Variants in FLRT2 observed in about 807,000 individuals in gnomAD.
FLRT2 encodes the protein leucine-rich repeat transmembrane protein FLRT2.
A neutral mutation model predicts 40.0 loss-of-function variants in FLRT2; 15 were observed. The ratio of observed to expected loss-of-function variants is 0.38; its 90% confidence interval spans 0.25 to 0.58. The LOEUF (loss-of-function observed/expected upper bound fraction) is 0.58. FLRT2 is among the 20% of genes least tolerant of loss of function. FLRT2 has a pLI of 0.71. For missense variants in FLRT2, 726 were observed against 840.0 expected (o/e 0.86, Z 1.68); for synonymous variants, 380 against 336.8 (o/e 1.13, Z -1.41).
At chr14:85,545,824 G>A (rs1274978283) in intron 1 of FLRT2, among the ~76,000 whole-genome samples, 2 of 152,204 alleles carry the variant, frequency 1.3e-5, no homozygotes, top group Non-Finnish European at 2.9e-5. Context: ...TACCAGCACT[G>A]CTAAATGGAT....
At chr14:85,568,929 C>CG (rs1890765080) in intron 1 of FLRT2, among the ~76,000 whole-genome samples, 1 of 151,872 alleles carries the variant, frequency 6.6e-6, no homozygotes, top group African/African-American at 2.4e-5. Context: ...CGTCTGTCTC[C>CG]TCTTTTCCCT....
At chr14:85,532,218 A>G (rs1888329108) in intron 1 of FLRT2, among the ~76,000 whole-genome samples, 1 of 152,060 alleles carries the variant, frequency 6.6e-6, no homozygotes, top group Non-Finnish European at 1.5e-5. Context: ...GTCCTGGGCT[A>G]GTTTTAAACT....
At position 85,629,051 on chromosome 14, in the gene FLRT2, C is replaced by A. The variant is rs573503961; in HGVS notation, c.*5554C>A. ...TTTACTATTCATCTACTTTCTACAG[C>A]ACTATGTTAGGGTCTTCCGGGGATT... On this transcript the variant is annotated 3_prime_UTR_variant, in exon 2 of 2. Coordinates refer to ENST00000330753, the MANE Select transcript of FLRT2 (RefSeq NM_013231.6). 9 of 152,278 alleles carry A rather than the reference C, an allele frequency of 5.9e-5. No homozygotes were observed. The South Asian group carries it at 1.9e-3, about 32-fold the overall frequency. 9.4% of individuals were successfully genotyped at this position (152,278 alleles called of 1,614,324 possible). A position where few individuals can be genotyped will look rare whatever the true frequency, so the allele number is the denominator to read the frequency against.
At chr14:85,585,167 C>G (rs776667612) in intron 1 of FLRT2, among the ~76,000 whole-genome samples, 14 of 152,094 alleles carry the variant, frequency 9.2e-5, no homozygotes, top group South Asian at 6.2e-4. Context: ...AATAAGGGAC[C>G]TAATGCATGT....
intron 1 of FLRT2, among the ~76,000 whole-genome samples, chr14:85,605,575 C>T (rs1224804186): frequency 1.3e-5 from 2 of 152,114 alleles, no homozygotes; most frequent in African/African-American, 4.8e-5. Flanking sequence ...TCGAGACCAT[C>T]CTGGCTAACA....
rs1448251035 is a variant in FLRT2, at chr14:85,648,931, A to G, written c.*25434A>G. 6.6e-6 allele frequency: 1 copy of G among 152,156 alleles called. No homozygotes were observed. Among genetic ancestry groups the G allele is most frequent in the Non-Finnish European group, 1.5e-5 (1 of 68,026 alleles). 9.4% of individuals were successfully genotyped at this position (152,156 alleles called of 1,614,324 possible). On this transcript the variant is annotated 3_prime_UTR_variant, in exon 2 of 2. Transcript: ENST00000330753. ...TTTCTGAATGAATAGATTTTAAACC[A>G]TGTGTGAGCAGTCACAGAATTCACT...
intron 1 of FLRT2, among the ~76,000 whole-genome samples, chr14:85,592,645 C>G (rs181208565): frequency 7.2e-6 from 1 of 139,672 alleles, no homozygotes; most frequent in East Asian, 2.0e-4. Context: ...AAAAATTAGT[C>G]GAGCATCAGG....
Position 85,643,964 on chromosome 14 carries a change from T to G in FLRT2, c.*20467T>G, listed in dbSNP as rs561344627. 1 of 152,316 alleles carries G rather than the reference T, an allele frequency of 6.6e-6. No homozygotes were observed. The highest frequency in any genetic ancestry group is 2.4e-5 in the African/African-American group (1 of 41,566). The allele number at this position is 152,316 out of a possible 1,614,324, so 9.4% of individuals were successfully genotyped here. ...TAATTGCTCATTATAGCTTCATGAA[T>G]AATATAGATGTTCAGCCAACTTAAG... On this transcript the variant is annotated 3_prime_UTR_variant, in exon 2 of 2. Transcript: ENST00000330753.
chr14:85,568,822 C>T (rs1890756314), intron 1 of FLRT2, among the ~76,000 whole-genome samples: 1 of 152,282 alleles, frequency 6.6e-6, no homozygotes, highest in South Asian at 2.1e-4. Flanking sequence ...CCTGGAGATG[C>T]CATTACGGAC....
At chr14:85,549,659 G>A (rs568784029) in intron 1 of FLRT2, among the ~76,000 whole-genome samples, 2 of 152,266 alleles carry the variant, frequency 1.3e-5, no homozygotes, top group South Asian at 4.1e-4. Context: ...TTTTTCAGTA[G>A]AGAAAAAATA....
At chr14:85,537,844 T>TG (rs1306494964) in intron 1 of FLRT2, among the ~76,000 whole-genome samples, 2 of 35,052 alleles carry the variant, frequency 5.7e-5, no homozygotes, top group Non-Finnish European at 9.8e-5. Flanking sequence ...CTTCATGTTT[T>TG]GTTTTTTTTT....
intron 1 of FLRT2, among the ~76,000 whole-genome samples, chr14:85,533,925 C>G (rs1320887893): frequency 1.3e-5 from 2 of 152,090 alleles, no homozygotes; most frequent in African/African-American, 4.8e-5. Context: ...AAGTTTGGAT[C>G]TGGGGGAGGG....
chr14:85,590,541 A>T (rs1253469731), intron 1 of FLRT2, among the ~76,000 whole-genome samples: 5 of 152,180 alleles, frequency 3.3e-5, no homozygotes, highest in African/African-American at 1.2e-4. Flanking sequence ...TAGTATTTGC[A>T]CAGTATCATG....
Position 85,635,410 on chromosome 14 carries a change from A to G in FLRT2, c.*11913A>G, listed in dbSNP as rs1431238665. 6.6e-6 allele frequency: 1 copy of G among 152,162 alleles called. No individual in the cohort carries two copies. Among genetic ancestry groups the G allele is most frequent in the Non-Finnish European group, 1.5e-5 (1 of 67,988 alleles). 9.4% of individuals were successfully genotyped at this position (152,162 alleles called of 1,614,324 possible). A position where few individuals can be genotyped will look rare whatever the true frequency, so the allele number is the denominator to read the frequency against. ...CAACCACTTCTCCCTCAAAACAAGG[A>G]AATACAAACTATATTACTAAGTAGA... is the stretch of plus-strand genomic sequence containing the variant. On this transcript the variant is annotated 3_prime_UTR_variant, in exon 2 of 2. Transcript: ENST00000330753.
At chr14:85,561,878 T>C (rs1890346502) in intron 1 of FLRT2, among the ~76,000 whole-genome samples, 1 of 152,238 alleles carries the variant, frequency 6.6e-6, no homozygotes, top group Non-Finnish European at 1.5e-5. Flanking sequence ...TGTCATTGTC[T>C]TTGTATTTTG....
chr14:85,561,004 C>T (rs1566728487), intron 1 of FLRT2: 1 of 152,100 alleles, frequency 6.6e-6, no homozygotes, highest in Non-Finnish European at 1.5e-5. Flanking sequence ...CAAATTGCAC[C>T]AATATTTGAT....
At chr14:85,539,438 A>G (rs959082519) in intron 1 of FLRT2, among the ~76,000 whole-genome samples, 1 of 152,148 alleles carries the variant, frequency 6.6e-6, no homozygotes, top group African/African-American at 2.4e-5. Context: ...TTCACTCTTC[A>G]GCATTAGATT....
At position 85,621,399 on chromosome 14, in the gene FLRT2, C is replaced by T; in HGVS notation, c.-116C>T. On this transcript the variant is annotated 5_prime_UTR_variant, in exon 2 of 2. Transcript: ENST00000330753. ...ACCATACGCCCTCAGGACGTTCCCTCTAGCTGGAGTTCTGGACTTCAACAG... is the reference window on the plus strand; with the variant it reads ...ACCATACGCCCTCAGGACGTTCCCTTTAGCTGGAGTTCTGGACTTCAACAG... 1.1e-6 allele frequency: 1 copy of T among 922,794 alleles called. No individual in the cohort carries two copies. Among genetic ancestry groups the T allele is most frequent in the Non-Finnish European group, 1.6e-6 (1 of 625,716 alleles). The allele number at this position is 922,794 out of a possible 1,614,324, so 57.2% of individuals were successfully genotyped here. A position where few individuals can be genotyped will look rare whatever the true frequency, so the allele number is the denominator to read the frequency against.
chr14:85,574,108 A>G (rs1225218211), intron 1 of FLRT2, among the ~76,000 whole-genome samples: 11 of 152,176 alleles, frequency 7.2e-5, no homozygotes, highest in Non-Finnish European at 1.6e-4. Context: ...TACTAGTGAT[A>G]AGGGCATCTG....
Sources: allele counts gnomAD v4.1 joint callset (sites outside exome capture counted in the v4.1 genomes callset), GRCh38; gene constraint gnomAD v4.1.1; transcripts MANE v1.5; gene names NCBI Gene and HGNC (gene_info 2026-07-23, HGNC 2026-07-21).